VPS13B: variants seen among roughly 807,000 people sequenced by gnomAD.
VPS13B encodes vacuolar protein sorting 13 homolog B, also known as intermembrane lipid transfer protein VPS13B.
In VPS13B, 285 loss-of-function variants were observed where a neutral mutation model predicts 426.4. The ratio of observed to expected loss-of-function variants is 0.67; its 90% CI spans 0.61 to 0.74. The LOEUF (loss-of-function observed/expected upper bound fraction) is 0.74, where lower values mean the gene tolerates loss of function less well. Ranked by LOEUF, VPS13B falls within the 30% of genes least tolerant of loss-of-function variation. The pLI is 0.00. For missense variants in VPS13B, 4,537 were observed against 4,782.6 expected (o/e 0.95, Z 1.51); for synonymous variants, 1,676 against 1,676.4 (o/e 1.00, Z 0.01).
intron 15 of VPS13B, among the ~76,000 whole-genome samples, chr8:99,167,162 T>C (rs551552241): frequency 1.3e-5 from 2 of 152,304 alleles, no homozygotes; most frequent in African/African-American, 4.8e-5. Context: ...TCTAAGCAGT[T>C]TGAGCTCTAA....
At chr8:99,549,934 CCAAGTCTGGGT>C (rs1824189750) in intron 30 of VPS13B, among the ~76,000 whole-genome samples, 1 of 152,048 alleles carries the variant, frequency 6.6e-6, no homozygotes, top group South Asian at 2.1e-4. Context: ...CCTGGGCCTC[CCAAGTCTGGGT>C]CAGGTGTCCC....
chr8:99,787,930 A>G (rs1812347056), intron 43 of VPS13B, among the ~76,000 whole-genome samples: 1 of 152,174 alleles, frequency 6.6e-6, no homozygotes, highest in African/African-American at 2.4e-5. Flanking sequence ...CTAGTTACCA[A>G]TGACTTAATT....
chr8:99,802,861 C>G (rs1042678208), intron 43 of VPS13B, among the ~76,000 whole-genome samples: 1 of 152,148 alleles, frequency 6.6e-6, no homozygotes, highest in African/African-American at 2.4e-5. Flanking sequence ...TCTTTCCCTT[C>G]CCAACACTCT....
chr8:99,716,483 T>C (rs748857855), intron 36 of VPS13B, among the ~76,000 whole-genome samples: 3 of 148,802 alleles, frequency 2.0e-5, no homozygotes, highest in Non-Finnish European at 4.5e-5. Flanking sequence ...AAATGTGCCA[T>C]TGGTTTTATG....
intron 15 of VPS13B, among the ~76,000 whole-genome samples, chr8:99,161,544 G>A (rs562503087): frequency 2.0e-5 from 3 of 152,172 alleles, no homozygotes; most frequent in East Asian, 3.9e-4. Context: ...GTGTACTACC[G>A]ATATAGTTAT....
chr8:99,418,969 T>G (rs896696091), intron 21 of VPS13B, among the ~76,000 whole-genome samples: 3 of 152,182 alleles, frequency 2.0e-5, no homozygotes, highest in African/African-American at 7.2e-5. Flanking sequence ...GAACCATTTC[T>G]CTCGCAAAGG....
At chr8:99,684,096 G>A (rs925928912) in intron 35 of VPS13B, among the ~76,000 whole-genome samples, 1 of 152,124 alleles carries the variant, frequency 6.6e-6, no homozygotes, top group African/African-American at 2.4e-5. Context: ...CTTTGTTATT[G>A]TTGTAAACTG....
chr8:99,327,851 T>C (rs1810357522), intron 19 of VPS13B, among the ~76,000 whole-genome samples: 2 of 152,322 alleles, frequency 1.3e-5, no homozygotes, highest in East Asian at 1.9e-4. Context: ...ATGAGTCTTA[T>C]TCATCCTGTT....
chr8:99,017,108 T>C (rs1404820564), intron 2 of VPS13B, among the ~76,000 whole-genome samples: 1 of 152,220 alleles, frequency 6.6e-6, no homozygotes, highest in Admixed American at 6.5e-5. Flanking sequence ...CGTGAAAATA[T>C]TCTTTTATAT....
intron 3 of VPS13B, among the ~76,000 whole-genome samples, chr8:99,072,952 C>T (rs1844922701): frequency 6.6e-6 from 1 of 152,046 alleles, no homozygotes; most frequent in African/African-American, 2.4e-5. Context: ...TTTCATTGGC[C>T]TGTATGTCTG....
chr8:99,650,669 A>G (rs1280035243), intron 34 of VPS13B, among the ~76,000 whole-genome samples: 2 of 152,180 alleles, frequency 1.3e-5, no homozygotes, highest in African/African-American at 2.4e-5. Flanking sequence ...AAATAATACA[A>G]TTACAACAAT....
At chr8:99,782,587 T>C (rs763933957) in intron 42 of VPS13B, among the ~76,000 whole-genome samples, 1 of 151,664 alleles carries the variant, frequency 6.6e-6, no homozygotes, top group Non-Finnish European at 1.5e-5. Context: ...GAAAAAGATG[T>C]CCAAGCAGAG....
At chr8:99,562,011 CT>C (rs1824948454) in intron 31 of VPS13B, among the ~76,000 whole-genome samples, 2 of 152,160 alleles carry the variant, frequency 1.3e-5, no homozygotes, top group Admixed American at 1.3e-4. Flanking sequence ...CATAAAATGG[CT>C]GAACCATTTT....
chr8:99,594,573 C>T (rs1425688202), intron 33 of VPS13B, among the ~76,000 whole-genome samples: 1 of 151,932 alleles, frequency 6.6e-6, no homozygotes, highest in African/African-American at 2.4e-5. Context: ...ATGACTATTG[C>T]TTAATGTTTT....
At position 99,859,290 on chromosome 8, in the gene VPS13B, C is replaced by G; in HGVS notation, c.10868-14C>G. 6.2e-7 allele frequency: 1 copy of G among 1,613,230 alleles called. No homozygotes were observed. Among genetic ancestry groups the G allele is most frequent in the Non-Finnish European group, 8.5e-7 (1 of 1,179,902 alleles). ...TTGAGGTTTCAATCACCCCTTCCCT[C>G]TTGTGCGTTGCAGGCTGGGTAGTTG... On this transcript the variant is annotated splice_polypyrimidine_tract_variant and intron_variant, in intron 56 of 61. Transcript: ENST00000357162.
At chr8:99,872,019 C>G (rs965302944) in intron 61 of VPS13B, among the ~76,000 whole-genome samples, 7 of 152,128 alleles carry the variant, frequency 4.6e-5, no homozygotes, top group African/African-American at 2.4e-5. Flanking sequence ...CTGGGGTGCT[C>G]GATGGACAGG....
At chr8:99,212,237 C>T (rs148853311) in intron 17 of VPS13B, among the ~76,000 whole-genome samples, 4 of 152,290 alleles carry the variant, frequency 2.6e-5, no homozygotes, top group African/African-American at 7.2e-5. Flanking sequence ...ATTTCAGGCA[C>T]GGGCTGTGAC....
chr8:99,124,169 A>C (rs1040951547), intron 8 of VPS13B, among the ~76,000 whole-genome samples: 1 of 152,228 alleles, frequency 6.6e-6, no homozygotes, highest in Admixed American at 6.5e-5. Flanking sequence ...AGTACCATAA[A>C]GGTTTTAAAG....
intron 30 of VPS13B, among the ~76,000 whole-genome samples, chr8:99,546,747 A>G (rs1824002097): frequency 6.6e-6 from 1 of 152,058 alleles, no homozygotes; most frequent in Non-Finnish European, 1.5e-5. Flanking sequence ...AAAGAATGTA[A>G]TTAAAGAGAA....
Sources: gnomAD v4.1 joint callset for allele counts (sites outside exome capture counted in the v4.1 genomes callset) on GRCh38, gnomAD v4.1.1 for gene constraint, MANE v1.5 for transcripts, NCBI Gene and HGNC (gene_info 2026-07-23, HGNC 2026-07-21) for gene names.